NEGR1: variants seen among roughly 807,000 people sequenced by gnomAD.
NEGR1 encodes IgLON family member 4.
A neutral mutation model predicts 40.9 loss-of-function variants in NEGR1; 10 were observed. The observed-to-expected ratio is 0.24, with a 90% confidence interval of 0.15 to 0.42. The LOEUF (loss-of-function observed/expected upper bound fraction) is 0.42. Ranked by LOEUF, NEGR1 falls within the 10% of genes least tolerant of loss-of-function variation. The pLI, the probability that NEGR1 is intolerant of heterozygous loss-of-function variation, is 1.00. For synonymous variants in NEGR1, 185 were observed against 166.8 expected (o/e 1.11, Z -0.84); for missense variants, 352 against 438.9 (o/e 0.80, Z 1.77).
chr1:71,930,451 T>C (rs1349988493), intron 2 of NEGR1, among the ~76,000 whole-genome samples: 1 of 150,388 alleles, frequency 6.6e-6, no homozygotes, highest in Non-Finnish European at 1.5e-5. Flanking sequence ...ATGAAAATCA[T>C]ATTACAAATT....
rs1854144 is a variant in NEGR1, at chr1:71,919,139, A to C, written c.409+15940T>G. Among the ~76,000 whole-genome samples the C allele has an allele frequency of 2.1e-3, 327 of 152,290 alleles. 3 individuals carry two copies. The East Asian group carries it at 0.034, about 16-fold the overall frequency. ...CCACAGTAGTTCTCAGCTCTCACTC[A>C]AAGGTGGACTAACACAATAATTTTC... On this transcript the variant is annotated intron_variant, in intron 2 of 6. Coordinates refer to ENST00000357731, the MANE Select transcript of NEGR1 (RefSeq NM_173808.3).
chr1:71,580,049 A>G (rs1196596263), intron 6 of NEGR1, among the ~76,000 whole-genome samples: 2 of 152,172 alleles, frequency 1.3e-5, no homozygotes, highest in Non-Finnish European at 2.9e-5. Context: ...AAAGACTTGG[A>G]ACCAACCCAA....
chr1:71,808,164 G>A (rs1050702870), intron 2 of NEGR1, among the ~76,000 whole-genome samples: 5 of 152,090 alleles, frequency 3.3e-5, no homozygotes, highest in Admixed American at 6.6e-5. Flanking sequence ...ACACCAAAAA[G>A]TTGCAACTCT....
chr1:71,917,444 T>G (rs1293229678), intron 2 of NEGR1, among the ~76,000 whole-genome samples: 4 of 152,166 alleles, frequency 2.6e-5, no homozygotes, highest in Non-Finnish European at 5.9e-5. Context: ...AAACATTCTT[T>G]CTCTTTGATC....
intron 1 of NEGR1, among the ~76,000 whole-genome samples, chr1:72,069,826 C>A (rs1647388988): frequency 1.3e-5 from 2 of 152,132 alleles, no homozygotes; most frequent in Non-Finnish European, 2.9e-5. Flanking sequence ...CACTAATGAT[C>A]TAGTCTTCTC....
chr1:71,976,669 G>A (rs1032310778), intron 1 of NEGR1, among the ~76,000 whole-genome samples: 1 of 152,016 alleles, frequency 6.6e-6, no homozygotes, highest in African/African-American at 2.4e-5. Context: ...GTTTATAAGT[G>A]AAATAAAAAT....
chr1:71,846,790 C>T (rs950417644), intron 2 of NEGR1, among the ~76,000 whole-genome samples: 3 of 152,104 alleles, frequency 2.0e-5, no homozygotes, highest in African/African-American at 7.2e-5. Flanking sequence ...CCTCACAGTG[C>T]GGAAGAGGCA....
At chr1:71,426,737 A>G (rs6694467) in intron 6 of NEGR1, among the ~76,000 whole-genome samples, 20,255 of 152,242 alleles carry the variant, frequency 0.13, 1,670 homozygotes, top group Middle Eastern at 0.21. Flanking sequence ...TCAGAATGAG[A>G]AAAGGTATTT....
intron 1 of NEGR1, among the ~76,000 whole-genome samples, chr1:71,958,855 T>C (rs1646139384): frequency 6.6e-6 from 1 of 150,954 alleles, no homozygotes; most frequent in South Asian, 2.1e-4. Flanking sequence ...CTTGGGAGGC[T>C]GAGGCAGGAG....
At chr1:71,733,227 T>C (rs1169993180) in intron 3 of NEGR1, among the ~76,000 whole-genome samples, 1 of 152,170 alleles carries the variant, frequency 6.6e-6, no homozygotes, top group Non-Finnish European at 1.5e-5. Flanking sequence ...AAACATCTGA[T>C]ATATCTGCTG....
At chr1:71,738,482 GA>G (rs1655108813) in intron 3 of NEGR1, 1 of 154,914 alleles carries the variant, frequency 6.5e-6, no homozygotes, top group Admixed American at 6.5e-5. Flanking sequence ...ATGTCAATAT[GA>G]GGGCATCTGG....
At chr1:71,768,406 G>A (rs753215336) in intron 3 of NEGR1, among the ~76,000 whole-genome samples, 1 of 152,114 alleles carries the variant, frequency 6.6e-6, no homozygotes, top group African/African-American at 2.4e-5. Context: ...CTGCAGTGCT[G>A]GGTTTCAGAA....
chr1:71,970,900 C>T (rs758532402), intron 1 of NEGR1, among the ~76,000 whole-genome samples: 44 of 152,176 alleles, frequency 2.9e-4, no homozygotes, highest in Admixed American at 2.0e-4. Flanking sequence ...TCAGCTCCAC[C>T]ATTGTACTGG....
chr1:72,136,200 T>C (rs957489122), intron 1 of NEGR1, among the ~76,000 whole-genome samples: 1 of 152,138 alleles, frequency 6.6e-6, no homozygotes, highest in Non-Finnish European at 1.5e-5. Flanking sequence ...AATAAAATGT[T>C]AGGATGAGAA....
intron 6 of NEGR1, among the ~76,000 whole-genome samples, chr1:71,591,891 A>T (rs1649512533): frequency 6.6e-6 from 1 of 152,102 alleles, no homozygotes; most frequent in Non-Finnish European, 1.5e-5. Context: ...CAGAAATGAT[A>T]TTTATGATGA....
At chr1:71,485,166 G>T (rs1478337615) in intron 6 of NEGR1, among the ~76,000 whole-genome samples, 1 of 151,408 alleles carries the variant, frequency 6.6e-6, no homozygotes, top group African/African-American at 2.4e-5. Context: ...GTGTGAGGAG[G>T]TAAAGAAAGG....
At chr1:71,876,331 C>T (rs184955676) in intron 2 of NEGR1, among the ~76,000 whole-genome samples, 1 of 152,014 alleles carries the variant, frequency 6.6e-6, no homozygotes, top group Admixed American at 6.6e-5. Flanking sequence ...GGCAACATGG[C>T]AAAACACTGT....
At chr1:72,243,706 A>G (rs1654819828) in intron 1 of NEGR1, among the ~76,000 whole-genome samples, 1 of 151,832 alleles carries the variant, frequency 6.6e-6, no homozygotes, top group African/African-American at 2.4e-5. Context: ...AAAGTCTGTG[A>G]TGTGAATACA....
At chr1:71,641,422 G>GA (rs896921165) in intron 4 of NEGR1, among the ~76,000 whole-genome samples, 2 of 151,998 alleles carry the variant, frequency 1.3e-5, no homozygotes, top group Non-Finnish European at 1.5e-5. Flanking sequence ...TTTGTGTACA[G>GA]AAAAAACACA....
Sources: allele counts gnomAD v4.1 joint callset (sites outside exome capture counted in the v4.1 genomes callset), GRCh38; gene constraint gnomAD v4.1.1; transcripts MANE v1.5; gene names NCBI Gene and HGNC (gene_info 2026-07-23, HGNC 2026-07-21).